LRP1: variants seen among roughly 807,000 people sequenced by gnomAD.
LRP1 encodes prolow-density lipoprotein receptor-related protein 1.
LRP1 carries 51 observed loss-of-function variants against 541.5 expected under a neutral mutation model. That is an observed-to-expected ratio of 0.09 (90% CI 0.08 to 0.12). LRP1 has a LOEUF of 0.12. Ranked by LOEUF, LRP1 falls within the 10% of genes least tolerant of loss-of-function variation. The pLI is 1.00. For synonymous variants in LRP1, 2,219 were observed against 2,470.8 expected (o/e 0.90, Z 3.02); for missense variants, 3,878 against 6,376.2 (o/e 0.61, Z 13.34).
intron 1 of LRP1, among the ~76,000 whole-genome samples, chr12:57,133,933 C>A (rs1459765565): frequency 6.6e-6 from 1 of 152,016 alleles, no homozygotes; most frequent in Non-Finnish European, 1.5e-5. Flanking sequence ...TTGGACTTCG[C>A]TGTCACCCTC....
chr12:57,197,023 G>T lies in LRP1; in HGVS notation c.8934G>T (p.Arg2978=), dbSNP rs759897975. The T allele has an allele frequency of 6.8e-6, 11 of 1,613,612 alleles. No individual in the cohort carries two copies. The highest frequency in any genetic ancestry group is 9.3e-6 in the Non-Finnish European group (11 of 1,179,972). The change falls in exon 56 of 89, where the codon CGG becomes CGT. Residue 2978 remains arginine (R), a synonymous_variant. Coordinates refer to ENST00000243077, the MANE Select transcript of LRP1 (RefSeq NM_002332.3). The surrounding 1 kb of genome is among the most constrained non-coding windows in gnomAD (Gnocchi z 4.5). The part of the protein sequence containing the change: ...RPGFRLKDDG[R]TCADVDECST... ...GCTTCCGGCTGAAGGACGACGGCCG[G>T]ACGTGTGCTGATGTGGACGAGTGCA...
chr12:57,129,165 G>A (rs1365788456), intron 1 of LRP1, 134 bp downstream of exon 1: 3 of 939,214 alleles, frequency 3.2e-6, no homozygotes, highest in East Asian at 5.4e-5. Flanking sequence ...ACACAGCAGC[G>A]GCCCGACTGG....
intron 32 of LRP1, 33 bp downstream of exon 32, chr12:57,180,512 A>G (rs2036142007): frequency 1.2e-6 from 2 of 1,612,518 alleles, no homozygotes; most frequent in African/African-American, 1.3e-5. Context: ...GAGATGACGC[A>G]GAGCAGGCCA....
At position 57,194,495 on chromosome 12, in the gene LRP1, A is replaced by G; in HGVS notation, c.8060A>G (p.Asp2687Gly). ...NDCGDYSDERDCPGVKRPRCP... is the reference protein window; with the variant it reads ...NDCGDYSDERGCPGVKRPRCP... Reference sequence around the variant, plus strand: ...TGTGGGGACTACAGTGATGAGCGCGACTGCCCAGGTGGGCGGGGGCAGGTG... The same window carrying G: ...TGTGGGGACTACAGTGATGAGCGCGGCTGCCCAGGTGGGCGGGGGCAGGTG... The change falls in exon 49 of 89, where the codon GAC becomes GGC. Residue 2687 changes from aspartate to glycine, a missense_variant. This residue lies in a region of LRP1 where 1,100 missense variants were observed against 1,827.4 expected (regional missense o/e 0.60). Coordinates refer to ENST00000243077, the MANE Select transcript of LRP1 (RefSeq NM_002332.3). 1 of 1,607,046 alleles carries G rather than the reference A, an allele frequency of 6.2e-7. No homozygotes were observed. The highest frequency in any genetic ancestry group is 8.5e-7 in the Non-Finnish European group (1 of 1,176,994).
chr12:57,191,810 ACCCCACATATAC>A, intron 44 of LRP1, among the ~76,000 whole-genome samples: 1 of 98,092 alleles, frequency 1.0e-5, no homozygotes, highest in East Asian at 3.4e-4. Context: ...TCACATGCAC[ACCCCACATATAC>A]CACACCACAC....
At position 57,165,576 on chromosome 12, in the gene LRP1, T is replaced by TG. The variant is rs2136686640; in HGVS notation, c.2531-229_2531-228insG. 1 of 518,634 alleles carries TG rather than the reference T, an allele frequency of 1.9e-6. No individual in the cohort carries two copies. Among genetic ancestry groups the TG allele is most frequent in the Admixed American group, 3.2e-5 (1 of 30,828 alleles). 32.1% of individuals were successfully genotyped at this position (518,634 alleles called of 1,614,324 possible). A position where few individuals can be genotyped will look rare whatever the true frequency, so the allele number is the denominator to read the frequency against. On this transcript the variant is annotated intron_variant, in intron 15 of 88. Coordinates refer to ENST00000243077, the MANE Select transcript of LRP1 (RefSeq NM_002332.3). The surrounding 1 kb of genome is among the most constrained non-coding windows in gnomAD (Gnocchi z 4.5). ...TCTTGGACACCATTTGATTCTCAGG[T>TG]CACACTGAAGTACAGTAAGCATTAA... is the stretch of plus-strand genomic sequence containing the variant.
Position 57,204,757 on chromosome 12 carries a change from G to A in LRP1, c.11194+8G>A. On this transcript the variant is annotated splice_region_variant and intron_variant, in intron 72 of 88. Coordinates refer to ENST00000243077, the MANE Select transcript of LRP1 (RefSeq NM_002332.3). This position sits in a 1 kb window ranked among gnomAD's most constrained non-coding sequence, Gnocchi z 5.3. ...CTGATGAAGAGGACTGTGGTGAGCA[G>A]GGGGCCGACGAGAGGCCTGCAGGGG... The A allele has an allele frequency of 6.2e-7, 1 of 1,613,690 alleles. No homozygotes were observed. Among genetic ancestry groups the A allele is most frequent in the Non-Finnish European group, 8.5e-7 (1 of 1,179,854 alleles).
chr12:57,200,854 A>T (rs1376634198), intron 64 of LRP1, 39 bp downstream of exon 64: 1 of 930,080 alleles, frequency 1.1e-6, no homozygotes, highest in Non-Finnish European at 1.4e-6. Flanking sequence ...CTTCCCCAGC[A>T]TCTTCCCTGC....
chr12:57,174,757 C>A (rs1182387872), intron 22 of LRP1, among the ~76,000 whole-genome samples: 1 of 152,112 alleles, frequency 6.6e-6, no homozygotes, highest in East Asian at 1.9e-4. Context: ...AGAGCAAGAC[C>A]CCATCCCAAA....
chr12:57,177,261 A>C lies in LRP1; in HGVS notation c.4196+16A>C, dbSNP rs545002811. The C allele has an allele frequency of 1.2e-6, 2 of 1,611,510 alleles. No individual in the cohort carries two copies. The highest frequency in any genetic ancestry group is 1.7e-6 in the Non-Finnish European group (2 of 1,178,054). On this transcript the variant is annotated intron_variant, in intron 25 of 88. Coordinates refer to ENST00000243077, the MANE Select transcript of LRP1 (RefSeq NM_002332.3). The surrounding 1 kb of genome is among the most constrained non-coding windows in gnomAD (Gnocchi z 6.8). ...CCCGGGATGGGTGAGGACCTTGCCC[A>C]GCCTTCTCCTGGCCCCATGGCCCCC...
chr12:57,147,263 G>T (rs1231482489), intron 6 of LRP1, among the ~76,000 whole-genome samples: 1 of 152,064 alleles, frequency 6.6e-6, no homozygotes, highest in Non-Finnish European at 1.5e-5. Flanking sequence ...TGAATGTCTG[G>T]CTGTCACCCT....
chr12:57,168,989 G>T, intron 19 of LRP1, 151 bp from the exon 20 acceptor site: 1 of 660,908 alleles, frequency 1.5e-6, no homozygotes, highest in South Asian at 1.8e-5. Context: ...AGTCTATGCA[G>T]TTTCTGTGTC....
In LRP1 at chr12:57,194,570, C is replaced by A. The variant is rs766167659; in HGVS notation, c.8069-7C>A. The A allele has an allele frequency of 2.2e-5, 36 of 1,612,592 alleles. 1 individual carries two copies. The South Asian group carries it at 4.0e-4, about 18-fold the overall frequency. On this transcript the variant is annotated splice_polypyrimidine_tract_variant and splice_region_variant and intron_variant, in intron 49 of 88. Transcript: ENST00000243077. Reference sequence around the variant, plus strand: ...AGCAGGGCCCTCACACCTGCCTCGCCCCCCAGGTGTGAAACGCCCCAGATG... The same window carrying A: ...AGCAGGGCCCTCACACCTGCCTCGCACCCCAGGTGTGAAACGCCCCAGATG...
At chr12:57,155,026 G>A (rs1437724073) in intron 8 of LRP1, 3 of 570,104 alleles carry the variant, frequency 5.3e-6, no homozygotes, top group Non-Finnish European at 6.2e-6. Flanking sequence ...GATCAAAGAG[G>A]TTAGGTGATT....
intron 42 of LRP1, among the ~76,000 whole-genome samples, chr12:57,188,164 G>T (rs1312873041): frequency 1.3e-5 from 2 of 152,180 alleles, no homozygotes; most frequent in African/African-American, 4.8e-5. Flanking sequence ...ACCCGGGGGT[G>T]GGTGCTCCCC....
intron 6 of LRP1, among the ~76,000 whole-genome samples, chr12:57,152,112 C>T (rs1039331183): frequency 6.6e-6 from 1 of 152,086 alleles, no homozygotes; most frequent in African/African-American, 2.4e-5. Context: ...GGAGGGAATC[C>T]AGGCCACATC....
In LRP1 at chr12:57,128,638, A is replaced by AT; in HGVS notation, c.-322dup. The stretch of plus-strand genomic sequence containing the variant: ...CCTCCCCGCCTCCTCCCAATTGTGC[A>AT]TTTTTGCAGCCGGAGGCGGCTCCGA... On this transcript the variant is annotated 5_prime_UTR_variant, in exon 1 of 89. Transcript: ENST00000243077. 2.6e-6 allele frequency: 1 copy of AT among 380,746 alleles called. No individual in the cohort carries two copies. The highest frequency in any genetic ancestry group is 4.6e-6 in the Non-Finnish European group (1 of 215,850). 23.6% of individuals were successfully genotyped at this position (380,746 alleles called of 1,614,324 possible).
In LRP1 at chr12:57,197,190, G is replaced by A. The variant is rs1158900561; in HGVS notation, c.9076+25G>A. ...GGTGAGATGCGCGCTTGGAGGGCAT[G>A]AGGTGACCCAGGCTGTGTGGGACTG... On this transcript the variant is annotated intron_variant, in intron 56 of 88. Coordinates refer to ENST00000243077, the MANE Select transcript of LRP1 (RefSeq NM_002332.3). The surrounding 1 kb of genome is among the most constrained non-coding windows in gnomAD (Gnocchi z 4.5). 2 of 1,613,926 alleles carry A rather than the reference G, an allele frequency of 1.2e-6. No homozygotes were observed. Among genetic ancestry groups the A allele is most frequent in the Non-Finnish European group, 1.7e-6 (2 of 1,179,976 alleles).
At chr12:57,135,758 ATCTC>A (rs1249996910) in intron 1 of LRP1, among the ~76,000 whole-genome samples, 1 of 151,908 alleles carries the variant, frequency 6.6e-6, no homozygotes, top group African/African-American at 2.4e-5. Flanking sequence ...TGGTTTGTGA[ATCTC>A]TCTCATTCCA....
Sources: allele counts gnomAD v4.1 joint callset (sites outside exome capture counted in the v4.1 genomes callset), GRCh38; gene constraint gnomAD v4.1.1; regional missense constraint gnomAD v4.1.1; non-coding constraint Gnocchi (gnomAD v3.1); transcripts MANE v1.5; gene names NCBI Gene and HGNC (gene_info 2026-07-23, HGNC 2026-07-21).